The following MTO1 variants were observed in gnomAD, a reference collection of about 807,000 sequenced individuals.
The protein encoded by MTO1 is mitochondrial tRNA translation optimization 1, also known as 5-taurinomethyluridine-[tRNA] synthase subunit MTO1, mitochondrial.
MTO1 carries 46 observed loss-of-function variants against 71.6 expected under a neutral mutation model. The observed-to-expected ratio is 0.64, with a 90% CI of 0.51 to 0.82. The LOEUF is 0.82. MTO1 is among the 40% of genes least tolerant of loss of function. MTO1 has a pLI of 0.00. For synonymous variants in MTO1, 297 were observed against 312.1 expected (o/e 0.95, Z 0.51); for missense variants, 773 against 867.5 (o/e 0.89, Z 1.37).
At chr6:73,490,916 G>A (rs1166686056) in intron 9 of MTO1, among the ~76,000 whole-genome samples, 2 of 152,130 alleles carry the variant, frequency 1.3e-5, no homozygotes, top group African/African-American at 4.8e-5. Flanking sequence ...GTATAAAAGG[G>A]ATTAAAGTGG....
Position 73,500,855 on chromosome 6 carries a change from C to A in MTO1, c.*120C>A. 1.1e-6 allele frequency: 1 copy of A among 880,526 alleles called. No individual in the cohort carries two copies. Among genetic ancestry groups the A allele is most frequent in the Non-Finnish European group, 1.5e-6 (1 of 646,400 alleles). The allele number at this position is 880,526 out of a possible 1,614,324, so 54.5% of individuals were successfully genotyped here. A position where few individuals can be genotyped will look rare whatever the true frequency, so the allele number is the denominator to read the frequency against. ...CTTTATTAGGTTACTATGGGTTTGCCATTAATTTCTGAGTGGGACAGAAAT... is the reference window on the plus strand; with the variant it reads ...CTTTATTAGGTTACTATGGGTTTGCAATTAATTTCTGAGTGGGACAGAAAT... On this transcript the variant is annotated 3_prime_UTR_variant, in exon 12 of 12. Transcript: ENST00000498286.
chr6:73,477,947 C>G (rs1373758203), intron 4 of MTO1, among the ~76,000 whole-genome samples: 1 of 152,014 alleles, frequency 6.6e-6, no homozygotes, highest in African/African-American at 2.4e-5. Flanking sequence ...TTTTACCTAT[C>G]TCTCGAGTTT....
chr6:73,481,446 G>C (rs1771488904), intron 7 of MTO1, among the ~76,000 whole-genome samples: 1 of 120,594 alleles, frequency 8.3e-6, no homozygotes, highest in South Asian at 3.0e-4. Context: ...GAAAAGGCTA[G>C]AGAAGTTTCA....
intron 1 of MTO1, chr6:73,464,096 A>C (rs1203908869): frequency 1.3e-5 from 2 of 152,178 alleles, no homozygotes; most frequent in East Asian, 3.8e-4. Context: ...CAACAACATA[A>C]ACTAAAGTTG....
intron 1 of MTO1, among the ~76,000 whole-genome samples, chr6:73,462,900 A>G (rs954104541): frequency 6.6e-6 from 1 of 152,146 alleles, no homozygotes; most frequent in African/African-American, 2.4e-5. Context: ...TCTGGACTCA[A>G]GAACTTTTCC....
At chr6:73,471,206 C>CT (rs11384040) in intron 3 of MTO1, among the ~76,000 whole-genome samples, 122,612 of 144,058 alleles carry the variant, frequency 0.85, 52,283 homozygotes, top group African/African-American at 0.93. Context: ...GGAGGCCATG[C>CT]TTTTTTTTTT....
intron 9 of MTO1, among the ~76,000 whole-genome samples, chr6:73,482,919 G>C (rs1582688287): frequency 6.7e-6 from 1 of 150,014 alleles, no homozygotes; most frequent in African/African-American, 2.4e-5. Context: ...AGCCCCCCGA[G>C]TAGCTGGGAC....
At chr6:73,463,425 A>G (rs567351762) in intron 1 of MTO1, among the ~76,000 whole-genome samples, 22 of 152,084 alleles carry the variant, frequency 1.4e-4, no homozygotes, top group Non-Finnish European at 2.9e-4. Flanking sequence ...CTAATGGGTA[A>G]TGGTTGGATG....
intron 10 of MTO1, among the ~76,000 whole-genome samples, chr6:73,497,027 C>G (rs1244368440): frequency 6.6e-6 from 1 of 151,504 alleles, no homozygotes; most frequent in Non-Finnish European, 1.5e-5. Flanking sequence ...GCATTCCAGC[C>G]TAGGCAACAA....
In MTO1 at chr6:73,481,412, T is replaced by A. The variant is rs551781674; in HGVS notation, c.1260+607T>A. ...TTATTATTCCTTGTAAGTCAGAAAT[T>A]ATTTTATTTTTATTTGCAAGTGGGA... On this transcript the variant is annotated intron_variant, in intron 7 of 11. Coordinates refer to ENST00000498286, the MANE Select transcript of MTO1 (RefSeq NM_012123.4). 2.6e-5 allele frequency among the ~76,000 whole-genome samples: 4 copies of A among 152,002 alleles called. No individual in the cohort carries two copies. In the East Asian group the frequency reaches 5.8e-4, roughly 22 times the overall value.
intron 9 of MTO1, among the ~76,000 whole-genome samples, chr6:73,485,215 T>C (rs1771617571): frequency 6.6e-6 from 1 of 152,124 alleles, no homozygotes; most frequent in Admixed American, 6.6e-5. Context: ...AACTGATGAA[T>C]AAAAAGATGA....
chr6:73,482,237 A>G lies in MTO1; in HGVS notation c.1458A>G (p.Thr486=), dbSNP rs1771522951. The change falls in exon 8 of 12, where the codon ACA becomes ACG. Residue 486 remains threonine (T), a synonymous_variant. Transcript: ENST00000498286. ...CTGATAATGCTGACAGCCGGCTCAC[A>G]CTGCGAGGTAACTCTTTCCTGAGTC... ...LRPDNADSRL[T]LRGYKDAGCV... The G allele has an allele frequency of 1.9e-6, 3 of 1,614,036 alleles. No homozygotes were observed. The highest frequency in any genetic ancestry group is 1.3e-5 in the African/African-American group (1 of 75,010).
intron 9 of MTO1, among the ~76,000 whole-genome samples, chr6:73,491,211 G>C (rs1384582481): frequency 6.6e-6 from 1 of 151,480 alleles, no homozygotes; most frequent in Admixed American, 6.6e-5. Context: ...ATTGAGAAGT[G>C]ACTATCAAAA....
intron 9 of MTO1, among the ~76,000 whole-genome samples, chr6:73,487,151 G>C (rs566125918): frequency 1.3e-5 from 2 of 150,650 alleles, no homozygotes; most frequent in Non-Finnish European, 2.9e-5. Context: ...TGTTAGTGCT[G>C]CTATGAACAT....
rs1167772743 is a variant in MTO1 at position 73,482,582 on chromosome 6, A to G, written c.1599A>G (p.Pro533=). The G allele has an allele frequency of 6.2e-7, 1 of 1,611,234 alleles. No homozygotes were observed. Among genetic ancestry groups the G allele is most frequent in the Non-Finnish European group, 8.5e-7 (1 of 1,179,740 alleles). Residue 533 remains proline (P), a synonymous_variant, in exon 9 of 12, where the codon CCA becomes CCG. Coordinates refer to ENST00000498286, the MANE Select transcript of MTO1 (RefSeq NM_012123.4). ...FLSSKWKKLI[P]EASISTSRSL... ...GCTCTAAATGGAAAAAATTAATCCC[A>G]GAGGCTTCTATAAGTACTAGTAGAA...
At chr6:73,473,277 C>CGGAT (rs1561942257) in intron 3 of MTO1, 88 bp from the exon 4 acceptor site, 4 of 1,282,446 alleles carry the variant, frequency 3.1e-6, no homozygotes, top group African/African-American at 1.5e-5. Flanking sequence ...GACTTCATCT[C>CGGAT]AGATAGATAG....
intron 4 of MTO1, among the ~76,000 whole-genome samples, chr6:73,474,105 T>C (rs1230060539): frequency 1.3e-5 from 2 of 151,648 alleles, no homozygotes; most frequent in Non-Finnish European, 2.9e-5. Flanking sequence ...ATCCTTTTTT[T>C]TTTTTGTGGT....
chr6:73,491,266 GA>G (rs11315438), intron 9 of MTO1, among the ~76,000 whole-genome samples: 130,406 of 146,010 alleles, frequency 0.89, 58,267 homozygotes, highest in East Asian at 0.94. Flanking sequence ...ACCAAATTAG[GA>G]AAAAAAAAAA....
intron 9 of MTO1, chr6:73,486,762 G>A: frequency 4.7e-6 from 1 of 210,946 alleles, no homozygotes; most frequent in African/African-American, 2.4e-5. Flanking sequence ...GACTCATACA[G>A]TATGTGTTTT....
Sources: gnomAD v4.1 joint callset for allele counts (sites outside exome capture counted in the v4.1 genomes callset) on GRCh38, gnomAD v4.1.1 for gene constraint, MANE v1.5 for transcripts, NCBI Gene and HGNC (gene_info 2026-07-23, HGNC 2026-07-21) for gene names.